The following LUZP2 variants were observed in gnomAD, a reference collection of about 807,000 sequenced individuals.
LUZP2 encodes leucine zipper protein 2.
A neutral mutation model predicts 51.6 loss-of-function variants in LUZP2; 52 were observed. The ratio of observed to expected loss-of-function variants is 1.01; its 90% confidence interval spans 0.81 to 1.27. The LOEUF (loss-of-function observed/expected upper bound fraction) is 1.27. LUZP2 is among the 50% of genes most tolerant of loss of function. The pLI, the probability that LUZP2 is intolerant of heterozygous loss-of-function variation, is 0.00. For synonymous variants in LUZP2, 154 were observed against 137.3 expected, an observed-to-expected ratio of 1.12 and a Z score of -0.85; for missense variants, 436 against 395.4, an observed-to-expected ratio of 1.10 and a Z score of -0.87.
rs1859460796 is a variant in LUZP2, at chr11:25,081,588, A to G, written c.*2930A>G. ...CTTCAAAATAGAATCGGATAAGTTT[A>G]AAATGTTCCTCTTACATTTGTGAAT... On this transcript the variant is annotated 3_prime_UTR_variant, in exon 12 of 12. Coordinates refer to ENST00000336930, the MANE Select transcript of LUZP2 (RefSeq NM_001009909.4). The G allele has an allele frequency of 1.3e-5, 2 of 152,154 alleles. No individual in the cohort carries two copies. The highest frequency in any genetic ancestry group is 2.9e-5 in the Non-Finnish European group (2 of 68,032). The allele number at this position is 152,154 out of a possible 1,614,324, so 9.4% of individuals were successfully genotyped here.
intron 9 of LUZP2, among the ~76,000 whole-genome samples, chr11:25,016,768 T>G (rs1218610198): frequency 2.6e-5 from 4 of 152,148 alleles, no homozygotes; most frequent in Non-Finnish European, 5.9e-5. Flanking sequence ...ATGATGACTT[T>G]TTTTTCCTGT....
intron 1 of LUZP2, among the ~76,000 whole-genome samples, chr11:24,686,093 C>A (rs968499952): frequency 1.3e-5 from 2 of 151,902 alleles, no homozygotes; most frequent in African/African-American, 4.8e-5. Flanking sequence ...AACATGCTGG[C>A]AATTACTGAG....
intron 5 of LUZP2, among the ~76,000 whole-genome samples, chr11:24,820,278 A>G (rs1850319971): frequency 6.6e-6 from 1 of 152,160 alleles, no homozygotes; most frequent in South Asian, 2.1e-4. Flanking sequence ...CAGAGCCTGA[A>G]AGGAAACAAC....
At chr11:24,915,960 G>T (rs1418498105) in intron 7 of LUZP2, among the ~76,000 whole-genome samples, 1 of 151,994 alleles carries the variant, frequency 6.6e-6, no homozygotes, top group Non-Finnish European at 1.5e-5. Context: ...CTTAGGATAT[G>T]TTCAATTTTG....
At chr11:24,794,742 A>G (rs934416982) in intron 5 of LUZP2, among the ~76,000 whole-genome samples, 1 of 152,106 alleles carries the variant, frequency 6.6e-6, no homozygotes, top group Non-Finnish European at 1.5e-5. Context: ...TTTCTAATTT[A>G]TTCTCTCATA....
intron 9 of LUZP2, among the ~76,000 whole-genome samples, chr11:25,015,104 A>G (rs368951768): frequency 6.6e-6 from 1 of 152,258 alleles, no homozygotes; most frequent in East Asian, 1.9e-4. Context: ...GTCATGTATA[A>G]TTTTAGAAAA....
chr11:24,521,493 T>A lies in LUZP2; in HGVS notation c.62+24188T>A, dbSNP rs565283141. On this transcript the variant is annotated intron_variant, in intron 1 of 11. Coordinates refer to ENST00000336930, the MANE Select transcript of LUZP2 (RefSeq NM_001009909.4). The stretch of plus-strand genomic sequence containing the variant: ...AAGCAATGTTTCTTAGGGAGAAAAA[T>A]TTTAAAGGCCTAGCATTTCAAGGTA... 4.6e-5 allele frequency among the ~76,000 whole-genome samples: 7 copies of A among 151,462 alleles called. No individual in the cohort carries two copies. In the East Asian group the frequency reaches 1.4e-3, roughly 30 times the overall value.
chr11:24,641,453 A>G (rs1855279899), intron 1 of LUZP2, among the ~76,000 whole-genome samples: 1 of 151,856 alleles, frequency 6.6e-6, no homozygotes. Context: ...TTGTGTGTTA[A>G]TTTATGAAAA....
chr11:24,674,352 T>A (rs1299698497), intron 1 of LUZP2, among the ~76,000 whole-genome samples: 3 of 152,206 alleles, frequency 2.0e-5, no homozygotes, highest in Non-Finnish European at 2.9e-5. Flanking sequence ...TTTTATGTTC[T>A]GGTTACAGGA....
rs1859474030 is a variant in LUZP2 at position 25,082,146 on chromosome 11, A to G, written c.*3488A>G. 6.6e-6 allele frequency: 1 copy of G among 152,630 alleles called. No individual in the cohort carries two copies. Among genetic ancestry groups the G allele is most frequent in the African/African-American group, 2.4e-5 (1 of 41,456 alleles). The allele number at this position is 152,630 out of a possible 1,614,324, so 9.5% of individuals were successfully genotyped here. A position where few individuals can be genotyped will look rare whatever the true frequency, so the allele number is the denominator to read the frequency against. On this transcript the variant is annotated 3_prime_UTR_variant, in exon 12 of 12. Transcript: ENST00000336930. ...TCTGTGTAATCTCAAATATCTGAAT[A>G]TTGAAAAAACTAGGTTGCTAACTTT...
intron 5 of LUZP2, among the ~76,000 whole-genome samples, chr11:24,852,955 C>A (rs975751655): frequency 6.6e-6 from 1 of 152,042 alleles, no homozygotes; most frequent in Admixed American, 6.6e-5. Flanking sequence ...TTATTCTGAA[C>A]CTATGTGTGT....
intron 1 of LUZP2, among the ~76,000 whole-genome samples, chr11:24,554,220 C>A (rs999453371): frequency 3.3e-5 from 5 of 152,250 alleles, no homozygotes; most frequent in African/African-American, 1.2e-4. Context: ...TTCTAAGGAG[C>A]TGCTTTCTTC....
intron 1 of LUZP2, among the ~76,000 whole-genome samples, chr11:24,561,816 T>TATAATAATAACAATA (rs1554955156): frequency 9.9e-5 from 12 of 120,876 alleles, no homozygotes; most frequent in Admixed American, 8.5e-4. Flanking sequence ...GAACTTAAAG[T>TATAATAATAACAATA]ATAATAATAA....
At chr11:24,953,931 TA>T (rs1470488261) in intron 7 of LUZP2, among the ~76,000 whole-genome samples, 1 of 151,966 alleles carries the variant, frequency 6.6e-6, no homozygotes, top group Non-Finnish European at 1.5e-5. Flanking sequence ...AGATGGAAGT[TA>T]AACATTATGT....
At chr11:24,633,938 A>ATG (rs1854981417) in intron 1 of LUZP2, among the ~76,000 whole-genome samples, 1 of 118,124 alleles carries the variant, frequency 8.5e-6, no homozygotes, top group South Asian at 3.0e-4. Context: ...AGTCTAACAC[A>ATG]CGTGTGTGTG....
At chr11:24,957,828 T>C (rs1855254105) in intron 7 of LUZP2, among the ~76,000 whole-genome samples, 1 of 152,126 alleles carries the variant, frequency 6.6e-6, no homozygotes. Context: ...TATGTATACA[T>C]GTGCCATGCT....
In LUZP2 at chr11:24,799,831, A is replaced by G. The variant is rs76904912; in HGVS notation, c.396+36523A>G. Among the ~76,000 whole-genome samples, 196 of 152,294 alleles carry G rather than the reference A, an allele frequency of 1.3e-3. 1 individual carries two copies. Among genetic ancestry groups the G allele is most frequent in the African/African-American group, 4.4e-3 (182 of 41,584 alleles). On this transcript the variant is annotated intron_variant, in intron 5 of 11. Transcript: ENST00000336930. ...GAAGTTACTATTAGAATACAAAAGT[A>G]ATATTTTAGTAGTAGTAGTATTTTT... is the stretch of plus-strand genomic sequence containing the variant.
intron 5 of LUZP2, among the ~76,000 whole-genome samples, chr11:24,778,488 G>T (rs891407737): frequency 6.6e-6 from 1 of 152,024 alleles, no homozygotes; most frequent in Non-Finnish European, 1.5e-5. Flanking sequence ...ATAGAAATTA[G>T]AAAATCTCAT....
chr11:24,693,143 T>G (rs1309687499), intron 1 of LUZP2, among the ~76,000 whole-genome samples: 1 of 151,926 alleles, frequency 6.6e-6, no homozygotes, highest in Non-Finnish European at 1.5e-5. Flanking sequence ...TACAGTTTGA[T>G]TTTTCTTCCA....
Sources: allele counts gnomAD v4.1 joint callset (sites outside exome capture counted in the v4.1 genomes callset), GRCh38; gene constraint gnomAD v4.1.1; transcripts MANE v1.5; gene names NCBI Gene and HGNC (gene_info 2026-07-23, HGNC 2026-07-21).